IL1RAPL1: variants seen among roughly 807,000 people sequenced by gnomAD.
IL1RAPL1 encodes the protein interleukin 1 receptor accessory protein like 1.
Under a neutral mutation model 48.4 loss-of-function variants are expected in IL1RAPL1, and 3 were observed. That is an observed-to-expected ratio of 0.06 (90% CI 0.03 to 0.16). The LOEUF (loss-of-function observed/expected upper bound fraction) is 0.16, where lower values mean the gene tolerates loss of function less well. Ranked by LOEUF, IL1RAPL1 falls within the 10% of genes least tolerant of loss-of-function variation. IL1RAPL1 has a pLI of 1.00. For missense variants in IL1RAPL1, 349 were observed against 530.6 expected, an observed-to-expected ratio of 0.66 and a Z score of 3.36; for synonymous variants, 185 against 187.7, an observed-to-expected ratio of 0.99 and a Z score of 0.12.
intron 6 of IL1RAPL1, among the ~76,000 whole-genome samples, chrX:29,805,716 A>G (rs983731138): frequency 9.0e-6 from 1 of 110,941 alleles, no homozygotes; most frequent in Non-Finnish European, 1.9e-5. Context: ...AAGTAAGAAA[A>G]CATTATAATT....
At chrX:29,348,153 C>T (rs183759161) in intron 3 of IL1RAPL1, among the ~76,000 whole-genome samples, 73 of 111,632 alleles carry the variant, frequency 6.5e-4, no homozygotes, top group Middle Eastern at 4.6e-3. Context: ...CACTGTGGCC[C>T]GAAGAAAATA....
chrX:28,992,448 C>T (rs1455351912), intron 2 of IL1RAPL1, among the ~76,000 whole-genome samples: 2 of 100,723 alleles, frequency 2.0e-5, no homozygotes, highest in African/African-American at 7.4e-5. Flanking sequence ...TGAGATCATG[C>T]CACTGTACTC....
intron 6 of IL1RAPL1, among the ~76,000 whole-genome samples, chrX:29,843,377 GTCTTA>G (rs960994600): frequency 2.7e-5 from 3 of 111,955 alleles, no homozygotes; most frequent in African/African-American, 6.5e-5. Flanking sequence ...ATATACATTT[GTCTTA>G]TCTTCTGATT....
At chrX:29,882,695 C>T (rs1304363213) in intron 6 of IL1RAPL1, among the ~76,000 whole-genome samples, 1 of 111,623 alleles carries the variant, frequency 9.0e-6, no homozygotes, top group Non-Finnish European at 1.9e-5. Context: ...GCCCACTGGC[C>T]CTAGTTGGCA....
intron 6 of IL1RAPL1, among the ~76,000 whole-genome samples, chrX:29,872,300 A>G (rs758891348): frequency 8.9e-6 from 1 of 111,858 alleles, no homozygotes; most frequent in Admixed American, 9.5e-5. Context: ...CATGTCAGGT[A>G]GCTTTTCAGC....
chrX:28,707,575 G>T (rs985335259), intron 1 of IL1RAPL1, among the ~76,000 whole-genome samples: 3 of 111,473 alleles, frequency 2.7e-5, no homozygotes, highest in African/African-American at 9.8e-5. Context: ...ATTATACCAC[G>T]GACTACTCTT....
intron 5 of IL1RAPL1, among the ~76,000 whole-genome samples, chrX:29,633,753 G>A (rs1021650473): frequency 9.0e-6 from 1 of 111,122 alleles, no homozygotes; most frequent in Admixed American, 9.6e-5. Context: ...TTATTCATTG[G>A]CTTATAGATG....
At chrX:29,668,031 A>G (rs1926046065) in intron 5 of IL1RAPL1, among the ~76,000 whole-genome samples, 1 of 110,631 alleles carries the variant, frequency 9.0e-6, no homozygotes, top group Non-Finnish European at 1.9e-5. Context: ...ATTTATGCCA[A>G]AAAAAATCAT....
At chrX:29,937,237 T>G (rs143293977) in intron 8 of IL1RAPL1, among the ~76,000 whole-genome samples, 2,957 of 112,382 alleles carry the variant, frequency 0.026, 41 homozygotes, top group Non-Finnish European at 0.041. Flanking sequence ...CATTTCTCCT[T>G]CTGTCCTCAG....
intron 3 of IL1RAPL1, among the ~76,000 whole-genome samples, chrX:29,386,804 A>G (rs1933783820): frequency 9.0e-6 from 1 of 111,482 alleles, no homozygotes; most frequent in South Asian, 3.8e-4. Context: ...GAGCCTCCCA[A>G]AGTGCTGGGA....
At chrX:29,927,479 A>G (rs1031224206) in intron 8 of IL1RAPL1, among the ~76,000 whole-genome samples, 1 of 111,726 alleles carries the variant, frequency 9.0e-6, no homozygotes, top group African/African-American at 3.3e-5. Flanking sequence ...TGTTTCACCT[A>G]TTCAATGAAT....
intron 2 of IL1RAPL1, among the ~76,000 whole-genome samples, chrX:28,815,848 TA>T (rs1936859992): frequency 1.8e-5 from 1 of 55,196 alleles, no homozygotes; most frequent in African/African-American, 6.8e-5. Flanking sequence ...TGTATATATA[TA>T]TATATATATA....
At chrX:29,912,097 A>G (rs1305621812) in intron 6 of IL1RAPL1, among the ~76,000 whole-genome samples, 1 of 111,733 alleles carries the variant, frequency 8.9e-6, no homozygotes, top group Admixed American at 9.5e-5. Flanking sequence ...CTATAATTTA[A>G]TTTTCAATGA....
chrX:29,374,286 CTTTTTTTT>C (rs747182215), intron 3 of IL1RAPL1, among the ~76,000 whole-genome samples: 4 of 4,755 alleles, frequency 8.4e-4, no homozygotes, highest in African/African-American at 1.6e-3. Flanking sequence ...TGGTTGGTTG[CTTTTTTTT>C]TTTTTTTTTT....
At chrX:29,314,489 T>G (rs755827033) in intron 3 of IL1RAPL1, among the ~76,000 whole-genome samples, 2 of 112,793 alleles carry the variant, frequency 1.8e-5, no homozygotes, top group Non-Finnish European at 3.8e-5. Flanking sequence ...ACTTGATCAC[T>G]GTGTAGTTCA....
At chrX:28,807,994 C>A (rs1936750905) in intron 2 of IL1RAPL1, among the ~76,000 whole-genome samples, 1 of 110,822 alleles carries the variant, frequency 9.0e-6, no homozygotes, top group African/African-American at 3.3e-5. Flanking sequence ...GGCAGTGTAT[C>A]AAGTAATATG....
intron 6 of IL1RAPL1, among the ~76,000 whole-genome samples, chrX:29,735,434 A>G (rs1396476223): frequency 8.9e-6 from 1 of 111,780 alleles, no homozygotes; most frequent in African/African-American, 3.3e-5. Flanking sequence ...CTAATTTAAC[A>G]TATTCAGATT....
intron 6 of IL1RAPL1, among the ~76,000 whole-genome samples, chrX:29,871,229 A>G (rs1386537367): frequency 8.9e-6 from 1 of 112,079 alleles, no homozygotes; most frequent in East Asian, 2.8e-4. Context: ...GATTGGACCC[A>G]CCAGGAAAGT....
intron 6 of IL1RAPL1, among the ~76,000 whole-genome samples, chrX:29,716,167 T>C (rs1927476975): frequency 9.0e-6 from 1 of 111,189 alleles, no homozygotes; most frequent in African/African-American, 3.3e-5. Flanking sequence ...CAGGTGAAAC[T>C]GGGAGGGGCT....
Sources: allele counts gnomAD v4.1 joint callset (sites outside exome capture counted in the v4.1 genomes callset), GRCh38; gene constraint gnomAD v4.1.1; transcripts MANE v1.5; gene names NCBI Gene and HGNC (gene_info 2026-07-23, HGNC 2026-07-21).